Variants in KLHL29 observed in about 807,000 individuals in gnomAD.
KLHL29 encodes kelch-like protein 29.
A neutral mutation model predicts 80.4 loss-of-function variants in KLHL29; 21 were observed. That is an observed-to-expected ratio of 0.26 (90% CI 0.19 to 0.38). KLHL29 has a LOEUF of 0.38. KLHL29 is among the 10% of genes least tolerant of loss of function. The pLI is 1.00. For synonymous variants in KLHL29, 511 were observed against 526.8 expected (o/e 0.97, Z 0.41); for missense variants, 867 against 1,223.9 (o/e 0.71, Z 4.35).
chr2:23,556,632 G>A (rs1031782109), intron 2 of KLHL29, among the ~76,000 whole-genome samples: 4 of 150,926 alleles, frequency 2.7e-5, no homozygotes, highest in Middle Eastern at 3.4e-3. Context: ...CAGCCTGGGT[G>A]ACAGAGCAAG....
At chr2:23,529,868 C>T (rs1396684964) in intron 2 of KLHL29, among the ~76,000 whole-genome samples, 2 of 152,178 alleles carry the variant, frequency 1.3e-5, no homozygotes, top group Non-Finnish European at 2.9e-5. Flanking sequence ...AAGGCTTGCC[C>T]GTTGCAGTAT....
At position 23,504,444 on chromosome 2, in the gene KLHL29, T is replaced by TG. The variant is rs1390982662; in HGVS notation, c.-46+28779dup. On this transcript the variant is annotated intron_variant, in intron 2 of 13. Transcript: ENST00000486442. Reference sequence around the variant, plus strand: ...CCCACTGCCCATGGGGTCAGAGGCCTGGAGCTTTAGGCAAGGCCTCACCTC... The same window carrying TG: ...CCCACTGCCCATGGGGTCAGAGGCCTGGGAGCTTTAGGCAAGGCCTCACCTC... Among the ~76,000 whole-genome samples, 13 of 152,294 alleles carry TG rather than the reference T, an allele frequency of 8.5e-5. No homozygotes were observed. The South Asian group carries it at 1.2e-3, about 15-fold the overall frequency.
chr2:23,430,023 G>T (rs967466278), intron 1 of KLHL29, among the ~76,000 whole-genome samples: 1 of 152,204 alleles, frequency 6.6e-6, no homozygotes, highest in Non-Finnish European at 1.5e-5. Flanking sequence ...CCGAGTAGAG[G>T]TTGAGTTGCT....
At chr2:23,586,362 C>CTTGTTT (rs1668118711) in intron 3 of KLHL29, among the ~76,000 whole-genome samples, 1 of 96,992 alleles carries the variant, frequency 1.0e-5, no homozygotes, top group Admixed American at 1.4e-4. Flanking sequence ...AAAAGCATTA[C>CTTGTTT]TTTTTTTTTT....
rs1671070149 is a variant in KLHL29 at position 23,681,007 on chromosome 2, A to C, written c.941-3392A>C. ...CACACACCTCACTTGGAAGCTTCTC[A>C]GAGATCAGGGAGTGTCCTTTGCCAA... On this transcript the variant is annotated intron_variant, in intron 5 of 13. Coordinates refer to ENST00000486442, the MANE Select transcript of KLHL29 (RefSeq NM_052920.2). The surrounding 1 kb of genome is among the most constrained non-coding windows in gnomAD (Gnocchi z 4.2). 6.6e-6 allele frequency among the ~76,000 whole-genome samples: 1 copy of C among 152,184 alleles called. No homozygotes were observed. Among genetic ancestry groups the C allele is most frequent in the Non-Finnish European group, 1.5e-5 (1 of 68,026 alleles).
chr2:23,557,000 G>C (rs1249960744), intron 2 of KLHL29, among the ~76,000 whole-genome samples: 2 of 152,258 alleles, frequency 1.3e-5, no homozygotes, highest in African/African-American at 4.8e-5. Flanking sequence ...GATGGCTGCT[G>C]CTCAGCCTGC....
At chr2:23,495,343 T>C (rs1665230941) in intron 2 of KLHL29, among the ~76,000 whole-genome samples, 1 of 152,192 alleles carries the variant, frequency 6.6e-6, no homozygotes, top group Non-Finnish European at 1.5e-5. Flanking sequence ...CCATGCTTTT[T>C]GGTGAGGTGG....
At chr2:23,393,251 G>T (rs188860838) in intron 1 of KLHL29, among the ~76,000 whole-genome samples, 1 of 152,342 alleles carries the variant, frequency 6.6e-6, no homozygotes, top group East Asian at 1.9e-4. Flanking sequence ...CTCCGTGGCT[G>T]TGTAGTCACA....
intron 2 of KLHL29, among the ~76,000 whole-genome samples, chr2:23,505,913 G>T (rs1665584891): frequency 6.6e-6 from 1 of 152,164 alleles, no homozygotes; most frequent in Admixed American, 6.5e-5. Flanking sequence ...GGGCGTTGGG[G>T]GTCTCTGAAG....
rs1045838724 is a variant in KLHL29 at position 23,642,800 on chromosome 2, G to A, written c.890G>A (p.Arg297Gln). 3.5e-5 allele frequency: 55 copies of A among 1,550,332 alleles called. No homozygotes were observed. The highest frequency in any genetic ancestry group is 4.4e-5 in the Non-Finnish European group (50 of 1,146,916). The stretch of plus-strand genomic sequence containing the variant: ...TCGGCCCACGGGCTGCAGATGCTGC[G>A]GACCATTGGCGTGGGGAAGTATGAG... ...TDSAHGLQML[R>Q]TIGVGKYEFT... is the part of the protein sequence containing the mutation. Residue 297 changes from arginine (R) to glutamine (Q), a missense_variant, in exon 5 of 14, where the codon CGG becomes CAG. Coordinates refer to ENST00000486442, the MANE Select transcript of KLHL29 (RefSeq NM_052920.2).
intron 2 of KLHL29, among the ~76,000 whole-genome samples, chr2:23,512,167 C>T (rs767840233): frequency 1.9e-4 from 29 of 152,220 alleles, no homozygotes; most frequent in East Asian, 1.4e-3. Flanking sequence ...GATAATAGGC[C>T]GGACGCGGTG....
At chr2:23,424,850 T>C (rs928379161) in intron 1 of KLHL29, among the ~76,000 whole-genome samples, 1 of 152,250 alleles carries the variant, frequency 6.6e-6, no homozygotes, top group Non-Finnish European at 1.5e-5. Context: ...AACACTGCAG[T>C]TGATTTTCCT....
rs1553338688 is a variant in KLHL29, at chr2:23,558,412, T to TTTTTTTTTTCC, written c.-45-3731_-45-3730insCCTTTTTTTTT. On this transcript the variant is annotated intron_variant, in intron 2 of 13. Coordinates refer to ENST00000486442, the MANE Select transcript of KLHL29 (RefSeq NM_052920.2). ...CTAGGACTGTAAGACATTTTCTCTT[T>TTTTTTTTTTCC]TTTTTTTTTTCTTTGGTCTCACTCT... Among the ~76,000 whole-genome samples, 296 of 129,024 alleles carry TTTTTTTTTTCC rather than the reference T, an allele frequency of 2.3e-3. 4 individuals are homozygous for TTTTTTTTTTCC. Among genetic ancestry groups the TTTTTTTTTTCC allele is most frequent in the African/African-American group, 7.7e-3 (272 of 35,210 alleles). 84.6% of individuals were successfully genotyped at this position (129,024 alleles called of 152,430 possible). A position where few individuals can be genotyped will look rare whatever the true frequency, so the allele number is the denominator to read the frequency against.
chr2:23,692,173 GCT>G (rs1671654057), intron 7 of KLHL29, among the ~76,000 whole-genome samples: 2 of 152,262 alleles, frequency 1.3e-5, no homozygotes, highest in East Asian at 3.8e-4. Context: ...CTGTGCATGT[GCT>G]CTGTTTGTGG....
At chr2:23,483,089 T>G (rs1864807) in intron 2 of KLHL29, among the ~76,000 whole-genome samples, 36 of 152,180 alleles carry the variant, frequency 2.4e-4, no homozygotes, top group African/African-American at 8.7e-4. Context: ...CTCATTTACT[T>G]GACTTAGTGA....
chr2:23,426,724 A>G (rs968195576), intron 1 of KLHL29, among the ~76,000 whole-genome samples: 6 of 152,182 alleles, frequency 3.9e-5, no homozygotes, highest in Non-Finnish European at 8.8e-5. Flanking sequence ...TGCAGCACTC[A>G]GAGCCGTGAC....
chr2:23,636,554 C>T (rs552772608), intron 3 of KLHL29, among the ~76,000 whole-genome samples: 2 of 152,346 alleles, frequency 1.3e-5, no homozygotes, highest in South Asian at 4.1e-4. Context: ...TCTGCACACC[C>T]GGGATACCCC....
In KLHL29 at chr2:23,700,312, T is replaced by TTTAA. The variant is rs1452652101; in HGVS notation, c.2106-2870_2106-2867dup. ...TTTTAACCACAAAAATTTAACAATT[T>TTTAA]TTAATTATTAAAAATTATATACACA... is the stretch of plus-strand genomic sequence containing the variant. On this transcript the variant is annotated intron_variant, in intron 11 of 13. Coordinates refer to ENST00000486442, the MANE Select transcript of KLHL29 (RefSeq NM_052920.2). The surrounding 1 kb of genome is among the most constrained non-coding windows in gnomAD (Gnocchi z 4.6). Among the ~76,000 whole-genome samples, 2 of 152,222 alleles carry TTTAA rather than the reference T, an allele frequency of 1.3e-5. No individual in the cohort carries two copies. The highest frequency in any genetic ancestry group is 2.9e-5 in the Non-Finnish European group (2 of 68,034).
In KLHL29 at chr2:23,706,565, C is replaced by T. The variant is rs374997457; in HGVS notation, c.2529C>T (p.Tyr843=). 114 of 1,537,152 alleles carry T rather than the reference C, an allele frequency of 7.4e-5. No individual in the cohort carries two copies. The African/African-American group carries it at 1.4e-3, about 19-fold the overall frequency. ...CCGCGCTGGGCAACATGGAGGCCTA[C>T]GAGCCCACAACCAACACATGGACCC... ...EGPALGNMEA[Y]EPTTNTWTLL... Residue 843 remains tyrosine (Y), a synonymous_variant, in exon 14 of 14, where the codon TAC becomes TAT. Transcript: ENST00000486442.
Sources: allele counts gnomAD v4.1 joint callset (sites outside exome capture counted in the v4.1 genomes callset), GRCh38; gene constraint gnomAD v4.1.1; non-coding constraint Gnocchi (gnomAD v3.1); transcripts MANE v1.5; gene names NCBI Gene and HGNC (gene_info 2026-07-23, HGNC 2026-07-21).